Variants in ANKRD55 observed in about 807,000 individuals in gnomAD.
The protein encoded by ANKRD55 is ankyrin repeat domain 55.
In ANKRD55, 41 loss-of-function variants were observed where a neutral mutation model predicts 60.6. The ratio of observed to expected loss-of-function variants is 0.68; its 90% confidence interval spans 0.53 to 0.88. The LOEUF (loss-of-function observed/expected upper bound fraction) is 0.88. Among genes scored for constraint, ANKRD55 ranks in the 40% least tolerant of loss-of-function variants. The probability of loss-of-function intolerance (pLI) is 0.00; values close to 1 mark genes in which losing one functional copy is unlikely to be tolerated. For missense variants in ANKRD55, 732 were observed against 767.6 expected, an observed-to-expected ratio of 0.95 and a Z score of 0.55; for synonymous variants, 264 against 290.3, an observed-to-expected ratio of 0.91 and a Z score of 0.92.
intron 8 of ANKRD55, among the ~76,000 whole-genome samples, chr5:56,124,556 G>A (rs756332100): frequency 2.0e-5 from 3 of 152,034 alleles, no homozygotes; most frequent in Non-Finnish European, 2.9e-5. Flanking sequence ...CATCCAGGCT[G>A]GAGTGCAGTG....
intron 4 of ANKRD55, among the ~76,000 whole-genome samples, chr5:56,173,504 C>G (rs1758654942): frequency 7.0e-6 from 1 of 143,740 alleles, no homozygotes; most frequent in African/African-American, 2.6e-5. Context: ...GGCTCCAATT[C>G]TTATATATCA....
chr5:56,116,836 G>C, intron 8 of ANKRD55, 54 bp from the exon 9 acceptor site: 1 of 1,463,732 alleles, frequency 6.8e-7, no homozygotes, highest in Non-Finnish European at 9.1e-7. Context: ...AATTGTTCAG[G>C]CTGCTTAGCC....
intron 3 of ANKRD55, among the ~76,000 whole-genome samples, chr5:56,182,603 A>C (rs762985573): frequency 1.3e-5 from 2 of 152,000 alleles, no homozygotes; most frequent in Non-Finnish European, 2.9e-5. Flanking sequence ...TTTTTCATTC[A>C]GTTTGGGATC....
chr5:56,115,727 A>T (rs1463352620), intron 9 of ANKRD55, among the ~76,000 whole-genome samples: 1 of 152,212 alleles, frequency 6.6e-6, no homozygotes, highest in East Asian at 1.9e-4. Context: ...TGGGAAATAG[A>T]AATATTAAAT....
At chr5:56,143,777 C>T in intron 7 of ANKRD55, 24 bp downstream of exon 7, 2 of 1,613,994 alleles carry the variant, frequency 1.2e-6, no homozygotes, top group Non-Finnish European at 1.7e-6. Flanking sequence ...AAACCTGAGA[C>T]CAGTCCACAG....
At chr5:56,206,203 C>G (rs112207863) in intron 2 of ANKRD55, among the ~76,000 whole-genome samples, 1 of 151,980 alleles carries the variant, frequency 6.6e-6, no homozygotes, top group Non-Finnish European at 1.5e-5. Context: ...TCTCAAACTC[C>G]TGGGCTCAAG....
rs771364740 is a variant in ANKRD55 at position 56,183,507 on chromosome 5, C to T, written c.181+5G>A. The T allele has an allele frequency of 1.2e-6, 2 of 1,613,702 alleles. No homozygotes were observed. Among genetic ancestry groups the T allele is most frequent in the Admixed American group, 3.3e-5 (2 of 59,942 alleles). On this transcript the variant is annotated splice_donor_5th_base_variant and intron_variant, in intron 3 of 11. Transcript: ENST00000341048. Reference sequence around the variant, plus strand: ...TTCTGGATTCAAAATGCATACATATCTCACCTTCACTGTCACAGCATTCTA... The same window carrying T: ...TTCTGGATTCAAAATGCATACATATTTCACCTTCACTGTCACAGCATTCTA...
intron 10 of ANKRD55, among the ~76,000 whole-genome samples, chr5:56,110,046 G>T (rs1441292868): frequency 1.6e-5 from 2 of 124,868 alleles, no homozygotes; most frequent in Non-Finnish European, 1.6e-5. Flanking sequence ...GCGAGACTCC[G>T]TCTCAAAAAA....
intron 7 of ANKRD55, chr5:56,137,341 C>A: frequency 1.4e-6 from 2 of 1,462,572 alleles, no homozygotes; most frequent in East Asian, 2.3e-5. Context: ...GGGAACAAAG[C>A]ACCTAAGATG....
chr5:56,143,729 C>T (rs2111759906), intron 7 of ANKRD55, 72 bp downstream of exon 7: 1 of 1,593,094 alleles, frequency 6.3e-7, no homozygotes, highest in South Asian at 1.1e-5. Context: ...TAAAGTTTGA[C>T]CTACTCAGAA....
At chr5:56,162,817 G>A (rs992342379) in intron 5 of ANKRD55, among the ~76,000 whole-genome samples, 2 of 152,032 alleles carry the variant, frequency 1.3e-5, no homozygotes, top group African/African-American at 4.8e-5. Context: ...TGCACTACAG[G>A]TGTGCACCAT....
chr5:56,143,633 A>G, intron 7 of ANKRD55, 168 bp downstream of exon 7: 1 of 899,294 alleles, frequency 1.1e-6, no homozygotes, highest in East Asian at 2.5e-5. Context: ...TCTGCTTGAT[A>G]TTTTATAACT....
intron 8 of ANKRD55, 37 bp from the exon 9 acceptor site, chr5:56,116,819 G>C (rs768666843): frequency 6.5e-7 from 1 of 1,527,352 alleles, no homozygotes; most frequent in Non-Finnish European, 8.8e-7. Context: ...AAGCGTCTGA[G>C]CATGTGAATT....
chr5:56,205,335 A>G (rs1017490909), intron 2 of ANKRD55, among the ~76,000 whole-genome samples: 1 of 152,222 alleles, frequency 6.6e-6, no homozygotes, highest in African/African-American at 2.4e-5. Flanking sequence ...TGCTAGGATT[A>G]TAGGTGTGAG....
intron 2 of ANKRD55, among the ~76,000 whole-genome samples, chr5:56,219,471 A>C (rs1165081659): frequency 6.6e-6 from 1 of 152,194 alleles, no homozygotes; most frequent in East Asian, 1.9e-4. Flanking sequence ...TGCCCTTCTT[A>C]GGTTTCACAA....
At chr5:56,221,493 T>C (rs980594458) in intron 2 of ANKRD55, among the ~76,000 whole-genome samples, 1 of 152,060 alleles carries the variant, frequency 6.6e-6, no homozygotes, top group Non-Finnish European at 1.5e-5. Flanking sequence ...TGTCAGACAG[T>C]GGGTGCAGGA....
At chr5:56,215,013 C>T (rs1161040365) in intron 2 of ANKRD55, among the ~76,000 whole-genome samples, 1 of 152,124 alleles carries the variant, frequency 6.6e-6, no homozygotes, top group African/African-American at 2.4e-5. Context: ...AATTGAAGAT[C>T]CCAGGAGTGG....
At chr5:56,103,133 A>C (rs1756341068) in intron 10 of ANKRD55, among the ~76,000 whole-genome samples, 1 of 152,216 alleles carries the variant, frequency 6.6e-6, no homozygotes, top group Non-Finnish European at 1.5e-5. Context: ...CAGGATGGAG[A>C]ATCATTGACC....
At chr5:56,127,169 T>C (rs573690272) in intron 7 of ANKRD55, 63 bp from the exon 8 acceptor site, 2 of 1,342,852 alleles carry the variant, frequency 1.5e-6, no homozygotes, top group Non-Finnish European at 1.9e-6. Context: ...TGTCTAGGCA[T>C]GTTAAGATAA....
Sources: allele counts gnomAD v4.1 joint callset (sites outside exome capture counted in the v4.1 genomes callset), GRCh38; gene constraint gnomAD v4.1.1; transcripts MANE v1.5; gene names NCBI Gene and HGNC (gene_info 2026-07-23, HGNC 2026-07-21).